PPFIA4: variants seen among roughly 807,000 people sequenced by gnomAD.
The protein encoded by PPFIA4 is liprin-alpha-4.
A neutral mutation model predicts 145.7 loss-of-function variants in PPFIA4; 98 were observed. That is an observed-to-expected ratio of 0.67 (90% CI 0.57 to 0.80). The LOEUF is 0.80. PPFIA4 is among the 30% of genes least tolerant of loss of function. The pLI is 0.00. For missense variants in PPFIA4, 1,457 were observed against 1,632.7 expected (o/e 0.89, Z 1.85); for synonymous variants, 628 against 649.6 (o/e 0.97, Z 0.51).
chr1:203,052,023 C>A, intron 14 of PPFIA4, 146 bp downstream of exon 14: 2 of 813,316 alleles, frequency 2.5e-6, no homozygotes, highest in Non-Finnish European at 3.8e-6. Flanking sequence ...GGGTTGAGGC[C>A]ATCGTCAGCT....
rs778941348 is a variant in PPFIA4 at position 203,075,626 on chromosome 1, G to A, written c.3443G>A (p.Arg1148Gln). The change falls in exon 29 of 30, where the codon CGG (arginine) becomes CAG (glutamine). Residue 1148 changes from arginine (R) to glutamine (Q), a missense_variant. Around this residue, in one of 3 missense-constraint regions of PPFIA4, gnomAD observed 146 missense variants for 126.2 expected, o/e 1.16. Coordinates refer to ENST00000295706, the MANE Select transcript of PPFIA4 (RefSeq NM_001304331.2). The surrounding 1 kb of genome is among the most constrained non-coding windows in gnomAD (Gnocchi z 4.1). Reference protein sequence around the residue: ...RRAPSWRKRFRPREHHGRGGM... With the variant: ...RRAPSWRKRFQPREHHGRGGM... ...GCGCCCTCCTGGAGGAAGCGCTTCC[G>A]GCCGCGGGAGCACCACGGTCGCGGC... 1.3e-5 allele frequency: 20 copies of A among 1,484,100 alleles called. No individual in the cohort carries two copies. The highest frequency in any genetic ancestry group is 2.4e-5 in the Admixed American group (1 of 41,346). 91.9% of individuals were successfully genotyped at this position (1,484,100 alleles called of 1,614,324 possible).
intron 7 of PPFIA4, 139 bp from the exon 8 acceptor site, chr1:203,045,702 C>A: frequency 6.8e-7 from 1 of 1,467,014 alleles, no homozygotes; most frequent in Non-Finnish European, 9.2e-7. Flanking sequence ...AAGGGGTGGG[C>A]CAAAGCCAGA....
chr1:203,063,156 C>A (rs910826500), intron 24 of PPFIA4: 1 of 152,218 alleles, frequency 6.6e-6, no homozygotes, highest in Non-Finnish European at 1.5e-5. Context: ...TGGGTGGTCA[C>A]GGAGCACCCT....
chr1:203,065,882 G>A (rs1326192271), intron 25 of PPFIA4, among the ~76,000 whole-genome samples: 2 of 152,190 alleles, frequency 1.3e-5, no homozygotes, highest in African/African-American at 4.8e-5. Flanking sequence ...GGGACATGGT[G>A]CTCTATTGAG....
chr1:203,028,560 T>A (rs1207073330), intron 1 of PPFIA4, among the ~76,000 whole-genome samples: 1 of 152,174 alleles, frequency 6.6e-6, no homozygotes, highest in Non-Finnish European at 1.5e-5. Flanking sequence ...AGGACATTCT[T>A]CCCTGGGCTT....
At position 203,043,590 on chromosome 1, in the gene PPFIA4, A is replaced by G. The variant is rs1349840265; in HGVS notation, c.336+92A>G. On this transcript the variant is annotated intron_variant, in intron 3 of 29. Coordinates refer to ENST00000295706, the MANE Select transcript of PPFIA4 (RefSeq NM_001304331.2). This position sits in a 1 kb window ranked among gnomAD's most constrained non-coding sequence, Gnocchi z 4.4. ...GAACACCTTGACCAAGAGAGCAGGC[A>G]AGAGTGGGGCCAGGCACAGTCCTAG... is the stretch of plus-strand genomic sequence containing the variant. The G allele has an allele frequency of 1.7e-6, 2 of 1,173,618 alleles. No individual in the cohort carries two copies. The highest frequency in any genetic ancestry group is 3.0e-5 in the African/African-American group (2 of 65,696). 72.7% of individuals were successfully genotyped at this position (1,173,618 alleles called of 1,614,324 possible). A position where few individuals can be genotyped will look rare whatever the true frequency, so the allele number is the denominator to read the frequency against.
At position 203,045,948 on chromosome 1, in the gene PPFIA4, G is replaced by T. The variant is rs374759903; in HGVS notation, c.966G>T (p.Leu322=). 97 of 1,612,866 alleles carry T rather than the reference G, an allele frequency of 6.0e-5. No homozygotes were observed. The East Asian group carries it at 1.9e-3, about 32-fold the overall frequency. ...ATSIHDLNDK[L]ENELANKESL... is the part of the protein sequence containing the mutation. ...CCATCCATGACCTCAATGACAAGCT[G>T]GAGAATGAGCTGGCCAACAAGGAGT... The change falls in exon 8 of 30, where the codon CTG becomes CTT. Residue 322 remains leucine (L), a synonymous_variant. Transcript: ENST00000295706.
chr1:203,076,309 C>CA, intron 29 of PPFIA4, 32 bp from the exon 30 acceptor site: 1 of 1,596,952 alleles, frequency 6.3e-7, no homozygotes, highest in Non-Finnish European at 8.5e-7. Context: ...ACCTGCCTCA[C>CA]AGTGCGATGC....
chr1:203,061,804 GCTCCC>G, intron 24 of PPFIA4, 126 bp downstream of exon 24: 1 of 993,640 alleles, frequency 1.0e-6, no homozygotes, highest in Non-Finnish European at 1.4e-6. Flanking sequence ...TAGGTTCTCT[GCTCCC>G]ATCAGAGTGC....
At chr1:203,028,171 G>C (rs1487742176) in intron 1 of PPFIA4, among the ~76,000 whole-genome samples, 1 of 152,188 alleles carries the variant, frequency 6.6e-6, no homozygotes, top group Non-Finnish European at 1.5e-5. Context: ...TGGGGGAGGA[G>C]GGTGTAGAAG....
At chr1:203,034,182 G>GT in intron 1 of PPFIA4, among the ~76,000 whole-genome samples, 1 of 152,216 alleles carries the variant, frequency 6.6e-6, no homozygotes, top group Non-Finnish European at 1.5e-5. Context: ...AGGAAGTGGT[G>GT]TTTGAGATGA....
intron 4 of PPFIA4, 44 bp downstream of exon 4, chr1:203,044,139 TGGAG>T (rs1382327452): frequency 1.3e-6 from 2 of 1,530,130 alleles, no homozygotes; most frequent in Admixed American, 4.0e-5. Context: ...CAGGCTGCCC[TGGAG>T]CCTCCCATGT....
rs1211491841 is a variant in PPFIA4 at position 203,059,268 on chromosome 1, A to G, written c.2498A>G (p.Lys833Arg). 3 of 1,515,880 alleles carry G rather than the reference A, an allele frequency of 2.0e-6. No homozygotes were observed. Among genetic ancestry groups the G allele is most frequent in the Non-Finnish European group, 1.8e-6 (2 of 1,111,210 alleles). The allele number at this position is 1,515,880 out of a possible 1,614,324, so 93.9% of individuals were successfully genotyped here. A position where few individuals can be genotyped will look rare whatever the true frequency, so the allele number is the denominator to read the frequency against. ...GCAGAGAAGGACCGGCGGCTAAAGA[A>G]GAAGTAAGAGCCACAGGCCAGGGTC... ...TQAEKDRRLK[K>R]KHQLLEDARR... Residue 833 changes from lysine to arginine, a missense_variant, in exon 20 of 30, where the codon AAG becomes AGG. Transcript: ENST00000295706.
chr1:203,059,664 C>G, intron 20 of PPFIA4, 106 bp from the exon 21 acceptor site: 3 of 890,990 alleles, frequency 3.4e-6, no homozygotes, highest in Non-Finnish European at 5.5e-6. Context: ...GGGTGGGGAG[C>G]AAGGGTTGTG....
chr1:203,054,697 C>CACACACACAT (rs1660783658), intron 15 of PPFIA4, among the ~76,000 whole-genome samples: 1 of 151,746 alleles, frequency 6.6e-6, no homozygotes, highest in Non-Finnish European at 1.5e-5. Context: ...CACACACACA[C>CACACACACAT]ACACATACAC....
rs369838397 is a variant in PPFIA4, at chr1:203,035,718, C to T, written c.-399-2892C>T. 22 of 453,208 alleles carry T rather than the reference C, an allele frequency of 4.9e-5. No individual in the cohort carries two copies. In the East Asian group the frequency reaches 6.3e-4, roughly 13 times the overall value. The allele number at this position is 453,208 out of a possible 1,614,324, so 28.1% of individuals were successfully genotyped here. ...AGATGATAATTGCGCTATTTAAAGA[C>T]GGCCCTGGAGCCAGAAGGAGCTGGA... is the stretch of plus-strand genomic sequence containing the variant. On this transcript the variant is annotated intron_variant, in intron 1 of 29. Coordinates refer to ENST00000295706, the MANE Select transcript of PPFIA4 (RefSeq NM_001304331.2).
Position 203,075,468 on chromosome 1 carries a change from G to T in PPFIA4, c.3394-109G>T. On this transcript the variant is annotated intron_variant, in intron 28 of 29. Transcript: ENST00000295706. This position sits in a 1 kb window ranked among gnomAD's most constrained non-coding sequence, Gnocchi z 4.1. ...TGACCTCGCTCCCTCTTTCCAAAGG[G>T]GTGGGAGTGGTGCCCCTTGAACCAG... The T allele has an allele frequency of 1.1e-6, 1 of 886,604 alleles. No homozygotes were observed. Among genetic ancestry groups the T allele is most frequent in the South Asian group, 3.7e-5 (1 of 27,010 alleles). 54.9% of individuals were successfully genotyped at this position (886,604 alleles called of 1,614,324 possible).
rs749526660 is a variant in PPFIA4, at chr1:203,059,162, A to G, written c.2408-16A>G. The G allele has an allele frequency of 6.7e-7, 1 of 1,483,456 alleles. No individual in the cohort carries two copies. Among genetic ancestry groups the G allele is most frequent in the Non-Finnish European group, 9.2e-7 (1 of 1,083,158 alleles). The allele number at this position is 1,483,456 out of a possible 1,614,324, so 91.9% of individuals were successfully genotyped here. A position where few individuals can be genotyped will look rare whatever the true frequency, so the allele number is the denominator to read the frequency against. Reference sequence around the variant, plus strand: ...GGCAGAGGGGCTGGCTGACACACACATCTCTTTCCTTGTAGTTCTGCTAAC... The same window carrying G: ...GGCAGAGGGGCTGGCTGACACACACGTCTCTTTCCTTGTAGTTCTGCTAAC... On this transcript the variant is annotated splice_polypyrimidine_tract_variant and intron_variant, in intron 19 of 29. Coordinates refer to ENST00000295706, the MANE Select transcript of PPFIA4 (RefSeq NM_001304331.2).
At chr1:203,061,064 C>G in intron 23 of PPFIA4, 32 bp downstream of exon 23, 1 of 1,606,674 alleles carries the variant, frequency 6.2e-7, no homozygotes, top group Non-Finnish European at 8.5e-7. Context: ...TGTCCCTGGG[C>G]CTGGGGTTGG....
Sources: allele counts gnomAD v4.1 joint callset (sites outside exome capture counted in the v4.1 genomes callset), GRCh38; gene constraint gnomAD v4.1.1; regional missense constraint gnomAD v4.1.1; non-coding constraint Gnocchi (gnomAD v3.1); transcripts MANE v1.5; gene names NCBI Gene and HGNC (gene_info 2026-07-23, HGNC 2026-07-21).